Variants in SLC39A3 observed in about 807,000 individuals in gnomAD.
SLC39A3 encodes the protein zinc transporter ZIP3.
A neutral mutation model predicts 5.1 loss-of-function variants in SLC39A3; 3 were observed. That is an observed-to-expected ratio of 0.59 (90% CI 0.27 to 1.54). SLC39A3 has a LOEUF of 1.54. Ranked by LOEUF, SLC39A3 falls within the 40% of genes most tolerant of loss-of-function variation. The pLI is 0.12. For missense variants in SLC39A3, 412 were observed against 436.4 expected, an observed-to-expected ratio of 0.94 and a Z score of 0.50; for synonymous variants, 250 against 218.8, an observed-to-expected ratio of 1.14 and a Z score of -1.26.
Position 2,735,810 on chromosome 19 carries a change from C to T in SLC39A3, c.210+1238G>A. The T allele has an allele frequency of 2.2e-5, 22 of 985,182 alleles. No individual in the cohort carries two copies. The highest frequency in any genetic ancestry group is 2.7e-5 in the Non-Finnish European group (22 of 829,770). The allele number at this position is 985,182 out of a possible 1,614,324, so 61.0% of individuals were successfully genotyped here. ...CAGGGGCTGGAAGCTCAGGGAGCCACCCTGGAACTCTACTCTGCCACACTA... is the reference window on the plus strand; with the variant it reads ...CAGGGGCTGGAAGCTCAGGGAGCCATCCTGGAACTCTACTCTGCCACACTA... On this transcript the variant is annotated intron_variant, in intron 2 of 2. Coordinates refer to ENST00000269740, the MANE Select transcript of SLC39A3 (RefSeq NM_144564.5). This position sits in a 1 kb window ranked among gnomAD's most constrained non-coding sequence, Gnocchi z 5.7.
At chr19:2,739,099 CAA>C (rs76854834) in intron 1 of SLC39A3, among the ~76,000 whole-genome samples, 6 of 30,308 alleles carry the variant, frequency 2.0e-4, no homozygotes, top group Non-Finnish European at 3.1e-4. Flanking sequence ...GACTCCGTCT[CAA>C]AAAAAAAAAA....
rs772594119 is a variant in SLC39A3 at position 2,733,265 on chromosome 19, T to C, written c.431A>G (p.His144Arg). The C allele has an allele frequency of 1.2e-6, 2 of 1,612,194 alleles. No individual in the cohort carries two copies. Among genetic ancestry groups the C allele is most frequent in the African/African-American group, 2.7e-5 (2 of 74,908 alleles). ...GCCGTGGGGCTCCACGTACAGCGCG[T>C]GGCCCCGCGCGCCCCCCATGAAGGG... ...ESPFMGGARGHALYVEPHGHG... is the reference protein window; with the variant it reads ...ESPFMGGARGRALYVEPHGHG... The change falls in exon 3 of 3, where the codon CAC becomes CGC. Residue 144 changes from histidine (H) to arginine (R), a missense_variant. Physicochemically the swap from His to Arg is conservative, Grantham distance 29. Transcript: ENST00000269740. The surrounding 1 kb of genome is among the most constrained non-coding windows in gnomAD (Gnocchi z 6.1).
Position 2,734,162 on chromosome 19 carries a change from C to T in SLC39A3, c.211-677G>A, listed in dbSNP as rs939524825. On this transcript the variant is annotated intron_variant, in intron 2 of 2. Coordinates refer to ENST00000269740, the MANE Select transcript of SLC39A3 (RefSeq NM_144564.5). This position sits in a 1 kb window ranked among gnomAD's most constrained non-coding sequence, Gnocchi z 4.6. Reference sequence around the variant, plus strand: ...ATGGGAGGGACAGCTGCTCACGGGGCGGACACGCAGGCATTAGGCTATGCG... The same window carrying T: ...ATGGGAGGGACAGCTGCTCACGGGGTGGACACGCAGGCATTAGGCTATGCG... Among the ~76,000 whole-genome samples the T allele has an allele frequency of 1.6e-4, 25 of 152,230 alleles. No homozygotes were observed. The highest frequency in any genetic ancestry group is 5.5e-4 in the African/African-American group (23 of 41,456).
rs1914270206 is a variant in SLC39A3 at position 2,733,701 on chromosome 19, G to T, written c.211-216C>A. Among the ~76,000 whole-genome samples, 1 of 152,198 alleles carries T rather than the reference G, an allele frequency of 6.6e-6. No individual in the cohort carries two copies. Among genetic ancestry groups the T allele is most frequent in the Non-Finnish European group, 1.5e-5 (1 of 68,038 alleles). Reference sequence around the variant, plus strand: ...TCATGCCTGTGACCCCAGCATTTTGGGAGACTGAGGCTGGCGGATTGCTTG... The same window carrying T: ...TCATGCCTGTGACCCCAGCATTTTGTGAGACTGAGGCTGGCGGATTGCTTG... On this transcript the variant is annotated intron_variant, in intron 2 of 2. Transcript: ENST00000269740. This position sits in a 1 kb window ranked among gnomAD's most constrained non-coding sequence, Gnocchi z 6.1.
intron 1 of SLC39A3, among the ~76,000 whole-genome samples, chr19:2,739,054 C>G (rs1216226085): frequency 7.1e-6 from 1 of 140,620 alleles, no homozygotes; most frequent in African/African-American, 2.7e-5. Context: ...GAGCCGAGAT[C>G]GCGCCATTGT....
rs745425240 is a variant in SLC39A3, at chr19:2,732,660, G to A, written c.*91C>T. ...GTGGTGGCCCAGGGCCACAGTGCTCGCTCTTGGGGGACGCGCGGCCGGGGG... is the reference window on the plus strand; with the variant it reads ...GTGGTGGCCCAGGGCCACAGTGCTCACTCTTGGGGGACGCGCGGCCGGGGG... On this transcript the variant is annotated 3_prime_UTR_variant, in exon 3 of 3. Coordinates refer to ENST00000269740, the MANE Select transcript of SLC39A3 (RefSeq NM_144564.5). 28 of 1,428,684 alleles carry A rather than the reference G, an allele frequency of 2.0e-5. No individual in the cohort carries two copies. The highest frequency in any genetic ancestry group is 3.1e-5 in the South Asian group (2 of 64,496). The allele number at this position is 1,428,684 out of a possible 1,614,324, so 88.5% of individuals were successfully genotyped here.
rs1914235682 is a variant in SLC39A3 at position 2,732,771 on chromosome 19, T to C, written c.925A>G (p.Met309Val). 1.3e-6 allele frequency: 2 copies of C among 1,575,960 alleles called. No individual in the cohort carries two copies. The highest frequency in any genetic ancestry group is 1.4e-5 in the African/African-American group (1 of 73,658). ...GCCGCTCACCACTTGAGGAAGACCA[T>C]CCCGGCCAGGACGGTGTAGCCCAGC... ...LVLGYTVLAG[M>V]VFLKW The change falls in exon 3 of 3, where the codon ATG becomes GTG. Residue 309 changes from methionine to valine, a missense_variant. Met to Val is a conservative substitution (Grantham distance 21, BLOSUM62 1). Transcript: ENST00000269740.
rs747167613 is a variant in SLC39A3, at chr19:2,737,216, G to A, written c.42C>T (p.Gly14=). 3.7e-6 allele frequency: 6 copies of A among 1,614,006 alleles called. No individual in the cohort carries two copies. Among genetic ancestry groups the A allele is most frequent in the Middle Eastern group, 1.6e-4 (1 of 6,062 alleles). Residue 14 remains glycine (G), a synonymous_variant, in exon 2 of 3, where the codon GGC becomes GGT. Coordinates refer to ENST00000269740, the MANE Select transcript of SLC39A3 (RefSeq NM_144564.5). ...LLVAKILCMV[G]VFFFMLLGSL... ...AGCCGAGCAGCATGAAGAAGAACAC[G>A]CCCACCATGCACAGGATTTTGGCCA...
Position 2,737,185 on chromosome 19 carries a change from G to A in SLC39A3, c.73C>T (p.Leu25Phe), listed in dbSNP as rs1449101384. 2 of 1,614,156 alleles carry A rather than the reference G, an allele frequency of 1.2e-6. No individual in the cohort carries two copies. The highest frequency in any genetic ancestry group is 4.5e-5 in the East Asian group (2 of 44,878). ...TCTGTCTCGATGATCTTCACGGGGA[G>A]CAGGGAGCCGAGCAGCATGAAGAAG... is the stretch of plus-strand genomic sequence containing the variant. ...VFFFMLLGSL[L>F]PVKIIETDFE... Residue 25 changes from leucine (L) to phenylalanine (F), a missense_variant, in exon 2 of 3, where the codon CTC becomes TTC. Coordinates refer to ENST00000269740, the MANE Select transcript of SLC39A3 (RefSeq NM_144564.5).
chr19:2,732,914 G>C lies in SLC39A3; in HGVS notation c.782C>G (p.Ala261Gly). 1 of 1,611,090 alleles carries C rather than the reference G, an allele frequency of 6.2e-7. No homozygotes were observed. The highest frequency in any genetic ancestry group is 1.1e-5 in the South Asian group (1 of 90,922). The change falls in exon 3 of 3, where the codon GCG becomes GGG. Residue 261 changes from alanine to glycine, a missense_variant. Physicochemically the swap from Ala to Gly is moderately conservative, Grantham distance 60. Coordinates refer to ENST00000269740, the MANE Select transcript of SLC39A3 (RefSeq NM_144564.5). ...ESAQGVPGSVASVLLQGLAGG... is the reference protein window; with the variant it reads ...ESAQGVPGSVGSVLLQGLAGG... ...CGCCAGGCCCTGCAGCAGCACGGAC[G>C]CCACGCTGCCCGGCACGCCCTGGGC...
chr19:2,733,854 T>A lies in SLC39A3; in HGVS notation c.211-369A>T, dbSNP rs537634222. ...TACTCAGGAGGCTGAGGCAGGAGAATGGCTTGAACCCAGGAGGCAGAGGTT... is the reference window on the plus strand; with the variant it reads ...TACTCAGGAGGCTGAGGCAGGAGAAAGGCTTGAACCCAGGAGGCAGAGGTT... On this transcript the variant is annotated intron_variant, in intron 2 of 2. Coordinates refer to ENST00000269740, the MANE Select transcript of SLC39A3 (RefSeq NM_144564.5). This position sits in a 1 kb window ranked among gnomAD's most constrained non-coding sequence, Gnocchi z 6.1. 2.0e-5 allele frequency among the ~76,000 whole-genome samples: 3 copies of A among 152,270 alleles called. No homozygotes were observed. The East Asian group carries it at 5.8e-4, about 29-fold the overall frequency.
At position 2,733,540 on chromosome 19, in the gene SLC39A3, C is replaced by G. The variant is rs1021398032; in HGVS notation, c.211-55G>C. 3 of 1,549,514 alleles carry G rather than the reference C, an allele frequency of 1.9e-6. No homozygotes were observed. In the African/African-American group the frequency reaches 4.1e-5, roughly 21 times the overall value. On this transcript the variant is annotated intron_variant, in intron 2 of 2. Coordinates refer to ENST00000269740, the MANE Select transcript of SLC39A3 (RefSeq NM_144564.5). This position sits in a 1 kb window ranked among gnomAD's most constrained non-coding sequence, Gnocchi z 6.1. ...AGAGACCCACGCTCAGGGGTGGCGG[C>G]GACAGGGCTGGCCAGATGTCACCGT...
chr19:2,739,166 A>G (rs1399484648), intron 1 of SLC39A3, among the ~76,000 whole-genome samples: 1 of 150,016 alleles, frequency 6.7e-6, no homozygotes, highest in African/African-American at 2.5e-5. Context: ...GCCCTAAACC[A>G]TATCCCTGTA....
chr19:2,733,223 C>T lies in SLC39A3; in HGVS notation c.473G>A (p.Ser158Asn), dbSNP rs774711986. The change falls in exon 3 of 3, where the codon AGC becomes AAC. Residue 158 changes from serine to asparagine, a missense_variant. Physicochemically the swap from Ser to Asn is conservative, Grantham distance 46 (BLOSUM62 1). Transcript: ENST00000269740. This position sits in a 1 kb window ranked among gnomAD's most constrained non-coding sequence, Gnocchi z 6.1. The part of the protein sequence containing the change: ...VEPHGHGPSL[S>N]VQGLSRASPV... The stretch of plus-strand genomic sequence containing the variant: ...GCTGGCGCGCGAGAGGCCCTGCACG[C>T]TCAGGCTGGGGCCGTGGCCGTGGGG... The T allele has an allele frequency of 2.6e-5, 41 of 1,607,720 alleles. No individual in the cohort carries two copies. The South Asian group carries it at 3.4e-4, about 13-fold the overall frequency.
In SLC39A3 at chr19:2,733,201, G is replaced by A; in HGVS notation, c.495C>T (p.Ala165=). 6.2e-7 allele frequency: 1 copy of A among 1,607,352 alleles called. No individual in the cohort carries two copies. The highest frequency in any genetic ancestry group is 1.7e-5 in the Admixed American group (1 of 59,446). The part of the protein sequence containing the change: ...PSLSVQGLSR[A]SPVRLLSLAF... ...CCAGGCTGAGCAGGCGCACGGGGCTGGCGCGCGAGAGGCCCTGCACGCTCA... is the reference window on the plus strand; with the variant it reads ...CCAGGCTGAGCAGGCGCACGGGGCTAGCGCGCGAGAGGCCCTGCACGCTCA... The change falls in exon 3 of 3, where the codon GCC becomes GCT. Residue 165 remains alanine (A), a synonymous_variant. Transcript: ENST00000269740. The surrounding 1 kb of genome is among the most constrained non-coding windows in gnomAD (Gnocchi z 6.1).
chr19:2,738,893 A>T lies in SLC39A3; in HGVS notation c.-123+1052T>A, dbSNP rs12104172. 3.2e-4 allele frequency among the ~76,000 whole-genome samples: 48 copies of T among 150,306 alleles called. No individual in the cohort carries two copies. The South Asian group carries it at 3.6e-3, about 11-fold the overall frequency. On this transcript the variant is annotated intron_variant, in intron 1 of 2. Transcript: ENST00000269740. ...TGGAGGTTGCAGTGAGCCAAGATCA[A>T]GCCATTGCACTCCAGCCTGGGTGAC...
Position 2,735,818 on chromosome 19 carries a change from C to G in SLC39A3, c.210+1230G>C. 2.0e-6 allele frequency: 2 copies of G among 985,432 alleles called. No homozygotes were observed. Among genetic ancestry groups the G allele is most frequent in the South Asian group, 9.4e-5 (2 of 21,280 alleles). The allele number at this position is 985,432 out of a possible 1,614,324, so 61.0% of individuals were successfully genotyped here. A position where few individuals can be genotyped will look rare whatever the true frequency, so the allele number is the denominator to read the frequency against. On this transcript the variant is annotated intron_variant, in intron 2 of 2. Coordinates refer to ENST00000269740, the MANE Select transcript of SLC39A3 (RefSeq NM_144564.5). This position sits in a 1 kb window ranked among gnomAD's most constrained non-coding sequence, Gnocchi z 5.7. ...GGAAGCTCAGGGAGCCACCCTGGAA[C>G]TCTACTCTGCCACACTAACAGGCTC...
chr19:2,734,490 A>T lies in SLC39A3; in HGVS notation c.211-1005T>A, dbSNP rs1914297636. On this transcript the variant is annotated intron_variant, in intron 2 of 2. Transcript: ENST00000269740. The surrounding 1 kb of genome is among the most constrained non-coding windows in gnomAD (Gnocchi z 4.6). ...CAAGCACGCGCACACAGTGGTTCTC[A>T]ACCAGGGCGATTCTGCCCGTGTGGA... The T allele has an allele frequency of 6.5e-6, 1 of 153,604 alleles. No individual in the cohort carries two copies. Among genetic ancestry groups the T allele is most frequent in the South Asian group, 2.1e-4 (1 of 4,862 alleles). 9.5% of individuals were successfully genotyped at this position (153,604 alleles called of 1,614,324 possible).
chr19:2,738,215 A>AAC (rs1177570063), intron 1 of SLC39A3, among the ~76,000 whole-genome samples: 161 of 151,820 alleles, frequency 1.1e-3, no homozygotes, highest in African/African-American at 3.7e-3. Context: ...AAAAAAAAAA[A>AAC]AAAAACTAAA....
Sources: gnomAD v4.1 joint callset for allele counts (sites outside exome capture counted in the v4.1 genomes callset) on GRCh38, gnomAD v4.1.1 for gene constraint, Gnocchi (gnomAD v3.1) non-coding constraint, MANE v1.5 for transcripts, NCBI Gene and HGNC (gene_info 2026-07-23, HGNC 2026-07-21) for gene names.